CADM2: variants seen among roughly 807,000 people sequenced by gnomAD.
CADM2 encodes immunoglobulin superfamily member 4D.
CADM2 carries 12 observed loss-of-function variants against 49.8 expected under a neutral mutation model. That is an observed-to-expected ratio of 0.24 (90% confidence interval 0.15 to 0.39). The LOEUF is 0.39. Among genes scored for constraint, CADM2 ranks in the 10% least tolerant of loss-of-function variants. The pLI is 1.00. For synonymous variants in CADM2, 214 were observed against 175.4 expected (o/e 1.22, Z -1.74); for missense variants, 378 against 492.3 (o/e 0.77, Z 2.20).
At chr3:85,640,483 G>T (rs566096716) in intron 1 of CADM2, among the ~76,000 whole-genome samples, 38 of 152,294 alleles carry the variant, frequency 2.5e-4, no homozygotes, top group South Asian at 1.7e-3. Flanking sequence ...TCATAATCAC[G>T]TATTCACCAG....
intron 1 of CADM2, among the ~76,000 whole-genome samples, chr3:85,726,162 T>C (rs1290790722): frequency 2.0e-5 from 3 of 152,026 alleles, no homozygotes; most frequent in Non-Finnish European, 4.4e-5. Flanking sequence ...TACAATCTGA[T>C]TGTTAAATAG....
intron 2 of CADM2, among the ~76,000 whole-genome samples, chr3:85,762,500 C>T (rs2069438299): frequency 6.6e-6 from 1 of 151,880 alleles, no homozygotes; most frequent in African/African-American, 2.4e-5. Context: ...CTCTGCCAAG[C>T]CTTCCCTAGT....
intron 1 of CADM2, among the ~76,000 whole-genome samples, chr3:85,012,866 C>CA (rs908516094): frequency 1.3e-5 from 2 of 151,160 alleles, no homozygotes; most frequent in African/African-American, 4.8e-5. Flanking sequence ...TGCTACAGGA[C>CA]AAAAAAAGTA....
chr3:85,492,044 A>G (rs1224626348), intron 1 of CADM2, among the ~76,000 whole-genome samples: 2 of 152,142 alleles, frequency 1.3e-5, no homozygotes, highest in Non-Finnish European at 2.9e-5. Context: ...TCTTTTCATC[A>G]TAGTTCAACA....
At chr3:86,058,293 C>T (rs776018207) in intron 8 of CADM2, among the ~76,000 whole-genome samples, 2 of 151,948 alleles carry the variant, frequency 1.3e-5, no homozygotes, top group Non-Finnish European at 2.9e-5. Flanking sequence ...AAAAGGAAAC[C>T]TATATTTTTC....
intron 1 of CADM2, among the ~76,000 whole-genome samples, chr3:85,610,136 GATCT>G (rs774279921): frequency 4.6e-5 from 7 of 151,822 alleles, no homozygotes; most frequent in African/African-American, 7.2e-5. Context: ...GAACCATAAG[GATCT>G]ATCTATTTTA....
At chr3:85,686,833 T>A (rs1191130629) in intron 1 of CADM2, among the ~76,000 whole-genome samples, 1 of 152,222 alleles carries the variant, frequency 6.6e-6, no homozygotes, top group Admixed American at 6.5e-5. Flanking sequence ...ATTTGTCTCA[T>A]ATCTACCAAT....
chr3:85,478,744 C>T (rs771003389), intron 1 of CADM2, among the ~76,000 whole-genome samples: 35 of 151,628 alleles, frequency 2.3e-4, no homozygotes, highest in East Asian at 3.9e-4. Context: ...AGCAAAGCAG[C>T]GTGGTAGGCA....
At chr3:85,898,152 A>G (rs985995136) in intron 5 of CADM2, among the ~76,000 whole-genome samples, 2 of 152,196 alleles carry the variant, frequency 1.3e-5, no homozygotes, top group East Asian at 1.9e-4. Flanking sequence ...CAATACTAGG[A>G]GATACATAAG....
At chr3:85,686,330 T>A (rs1218451667) in intron 1 of CADM2, among the ~76,000 whole-genome samples, 1 of 152,210 alleles carries the variant, frequency 6.6e-6, no homozygotes, top group African/African-American at 2.4e-5. Context: ...ATATTTGGCC[T>A]CTCAGTTGCC....
rs2040768192 is a variant in CADM2 at position 85,175,848 on chromosome 3, T to TA, written c.61+216186dup. On this transcript the variant is annotated intron_variant, in intron 1 of 9. Transcript: ENST00000383699. ...GTAACAAGAGTAAAAAAGCCTCTGA[T>TA]AAAAAATGTGCGTCACATCCAGCAA... 4.7e-5 allele frequency among the ~76,000 whole-genome samples: 7 copies of TA among 147,592 alleles called. No homozygotes were observed. In the South Asian group the frequency reaches 1.5e-3, roughly 32 times the overall value.
At chr3:85,140,972 C>G (rs2039559432) in intron 1 of CADM2, among the ~76,000 whole-genome samples, 1 of 152,114 alleles carries the variant, frequency 6.6e-6, no homozygotes. Context: ...TACACAAAAC[C>G]TATGATGTCT....
intron 1 of CADM2, among the ~76,000 whole-genome samples, chr3:85,000,454 AAC>A (rs34664500): frequency 0.047 from 7,100 of 152,134 alleles, 212 homozygotes; most frequent in Admixed American, 0.089. Context: ...CACAAAAAAA[AAC>A]AGTCTTTTAC....
intron 1 of CADM2, among the ~76,000 whole-genome samples, chr3:85,061,688 T>C (rs2036323088): frequency 6.6e-6 from 1 of 152,152 alleles, no homozygotes; most frequent in African/African-American, 2.4e-5. Context: ...TAAGTGTAAG[T>C]TCTACTTCCT....
At chr3:85,091,081 C>G (rs1412074611) in intron 1 of CADM2, among the ~76,000 whole-genome samples, 1 of 152,132 alleles carries the variant, frequency 6.6e-6, no homozygotes, top group East Asian at 1.9e-4. Context: ...CCTAATAAAA[C>G]TGTTAAATCT....
chr3:85,046,738 T>C (rs1414151255), intron 1 of CADM2, among the ~76,000 whole-genome samples: 1 of 152,028 alleles, frequency 6.6e-6, no homozygotes, highest in Non-Finnish European at 1.5e-5. Context: ...TTCTCATGGA[T>C]AGACTAATGT....
At chr3:85,956,256 G>A (rs1056428039) in intron 7 of CADM2, among the ~76,000 whole-genome samples, 2 of 151,538 alleles carry the variant, frequency 1.3e-5, no homozygotes, top group Non-Finnish European at 1.5e-5. Flanking sequence ...TTGGATGCCT[G>A]AACAGCAGGG....
intron 1 of CADM2, among the ~76,000 whole-genome samples, chr3:85,077,521 A>G (rs2036992034): frequency 1.3e-5 from 2 of 152,042 alleles, no homozygotes; most frequent in Non-Finnish European, 2.9e-5. Flanking sequence ...TCATTTTAGG[A>G]TGCTAACTCT....
chr3:85,949,068 A>T (rs978006449), intron 7 of CADM2, among the ~76,000 whole-genome samples: 1 of 151,640 alleles, frequency 6.6e-6, no homozygotes, highest in Admixed American at 6.6e-5. Context: ...CATTGAAAAT[A>T]TAACAGCAAT....
Sources: allele counts gnomAD v4.1 joint callset (sites outside exome capture counted in the v4.1 genomes callset), GRCh38; gene constraint gnomAD v4.1.1; transcripts MANE v1.5; gene names NCBI Gene and HGNC (gene_info 2026-07-23, HGNC 2026-07-21).